P2RX5: variants seen among roughly 807,000 people sequenced by gnomAD.
P2RX5 encodes P2X purinoceptor 5.
In P2RX5, 46 loss-of-function variants were observed where a neutral mutation model predicts 54.1. That is an observed-to-expected ratio of 0.85 (90% CI 0.67 to 1.09). P2RX5 has a LOEUF of 1.09. Among genes scored for constraint, P2RX5 ranks in the 50% least tolerant of loss-of-function variants. P2RX5 has a pLI of 0.00. For missense variants in P2RX5, 566 were observed against 549.8 expected (o/e 1.03, Z -0.29); for synonymous variants, 226 against 226.4 (o/e 1.00, Z 0.02).
rs1328931593 is a variant in P2RX5 at position 3,692,148 on chromosome 17, A to AT, written c.138-355_138-354insA. 166 of 240,956 alleles carry AT rather than the reference A, an allele frequency of 6.9e-4. 2 individuals carry two copies. The highest frequency in any genetic ancestry group is 3.3e-3 in the African/African-American group (147 of 44,110). 14.9% of individuals were successfully genotyped at this position (240,956 alleles called of 1,614,324 possible). A position where few individuals can be genotyped will look rare whatever the true frequency, so the allele number is the denominator to read the frequency against. ...TGAAACCCTGTCTCTACTCAAAAAA[A>AT]AAAAAAAAAATACAAAAAATTAGCC... is the stretch of plus-strand genomic sequence containing the variant. On this transcript the variant is annotated intron_variant, in intron 1 of 11. Coordinates refer to ENST00000225328, the MANE Select transcript of P2RX5 (RefSeq NM_002561.4).
chr17:3,709,805 G>A, the P2RX5 span, among the ~76,000 whole-genome samples: 1 of 151,932 alleles, frequency 6.6e-6, no homozygotes, highest in Non-Finnish European at 1.5e-5. Context: ...GCTACTCGGG[G>A]GGCTGAGGCA....
At chr17:3,707,770 G>A in the P2RX5 span, among the ~76,000 whole-genome samples, 2 of 152,052 alleles carry the variant, frequency 1.3e-5, no homozygotes, top group Non-Finnish European at 2.9e-5. Context: ...GGTTAACCAG[G>A]AATCTCGGCC....
chr17:3,673,874 G>A lies in P2RX5; in HGVS notation c.1263C>T (p.Ser421=). Residue 421 remains serine (S), a synonymous_variant, in exon 12 of 12, where the codon AGC becomes AGT. Transcript: ENST00000225328. ...VCPQLLEPHR[S]T is the part of the protein sequence containing the mutation. ...GAACGTAAGCAGAGGCAATTCACGT[G>A]CTCCTGGAATATCAGAACAGAAAGG... 4 of 1,612,538 alleles carry A rather than the reference G, an allele frequency of 2.5e-6. No homozygotes were observed. The highest frequency in any genetic ancestry group is 3.4e-6 in the Non-Finnish European group (4 of 1,179,506).
intron 1 of P2RX5, among the ~76,000 whole-genome samples, chr17:3,694,230 G>GA (rs5818908): frequency 0.66 from 82,299 of 124,470 alleles, 27,541 homozygotes; most frequent in Non-Finnish European, 0.77. Context: ...AAAGAAGCCA[G>GA]AAAAAAAAAA....
rs2050620528 is a variant in P2RX5, at chr17:3,691,641, G to C, written c.288+3C>G. On this transcript the variant is annotated splice_donor_region_variant and intron_variant, in intron 2 of 11. Transcript: ENST00000225328. Reference sequence around the variant, plus strand: ...TGGCCGTGTGCTAGGTGGGGACTCAGACCTGGGCTGGAATGACGTAGTCGG... The same window carrying C: ...TGGCCGTGTGCTAGGTGGGGACTCACACCTGGGCTGGAATGACGTAGTCGG... 2.5e-6 allele frequency: 4 copies of C among 1,614,064 alleles called. No homozygotes were observed. Among genetic ancestry groups the C allele is most frequent in the South Asian group, 1.1e-5 (1 of 91,088 alleles).
chr17:3,674,748 C>T (rs2050063222), intron 11 of P2RX5, among the ~76,000 whole-genome samples: 1 of 152,196 alleles, frequency 6.6e-6, no homozygotes, highest in South Asian at 2.1e-4. Context: ...GAATGCTTCC[C>T]CCTCACCTAG....
At chr17:3,675,558 C>CT (rs879893835) in intron 11 of P2RX5, 70,541 of 643,360 alleles carry the variant, frequency 0.11, 89 homozygotes, top group Non-Finnish European at 0.12. Flanking sequence ...TCTTCACTTT[C>CT]TTTTTTTTTT....
chr17:3,719,252 A>AG, the P2RX5 span, among the ~76,000 whole-genome samples: 915 of 130,082 alleles, frequency 7.0e-3, 7 homozygotes, highest in Middle Eastern at 0.015. Flanking sequence ...AAAAAAAAAA[A>AG]AAAAGAAAAG....
At chr17:3,703,162 G>A in the P2RX5 span, among the ~76,000 whole-genome samples, 2 of 152,084 alleles carry the variant, frequency 1.3e-5, no homozygotes, top group East Asian at 3.9e-4. Context: ...ATGGTGCAAT[G>A]GGCTGAGCCT....
At chr17:3,721,260 C>CTTT in the P2RX5 span, among the ~76,000 whole-genome samples, 533 of 46,242 alleles carry the variant, frequency 0.012, 81 homozygotes, top group Non-Finnish European at 0.016. Flanking sequence ...GAGATTTTTC[C>CTTT]TTTTTTTTTT....
At chr17:3,721,851 G>A in the P2RX5 span, 1 of 151,886 alleles carries the variant, frequency 6.6e-6, no homozygotes, top group African/African-American at 2.4e-5. Context: ...TTCAAGACCA[G>A]CCTGACCAAC....
chr17:3,699,966 GAA>G (rs1220025969), upstream of P2RX5, among the ~76,000 whole-genome samples: 1 of 138,022 alleles, frequency 7.2e-6, no homozygotes, highest in Non-Finnish European at 1.7e-5. Flanking sequence ...AAGAAAGAAA[GAA>G]AGAAAGAAAA....
At chr17:3,714,950 A>G in the P2RX5 span, 21 of 1,534,354 alleles carry the variant, frequency 1.4e-5, no homozygotes, top group South Asian at 2.3e-4. Flanking sequence ...ACACTGAAAC[A>G]AAGGAAGGAA....
At chr17:3,720,708 G>A in the P2RX5 span, 20 of 205,210 alleles carry the variant, frequency 9.7e-5, 4 homozygotes, top group East Asian at 2.9e-4. Flanking sequence ...TTAGCCTCCC[G>A]AGTAGCTGGA....
At chr17:3,721,312 C>G in the P2RX5 span, among the ~76,000 whole-genome samples, 2 of 128,382 alleles carry the variant, frequency 1.6e-5, 1 homozygote, top group African/African-American at 5.5e-5. Flanking sequence ...CACTCTGTTA[C>G]TCGGGCCGGA....
intron 8 of P2RX5, 64 bp downstream of exon 8, chr17:3,688,562 C>T: frequency 6.3e-7 from 1 of 1,586,100 alleles, no homozygotes. Context: ...ATAGTGCTGG[C>T]ACCCAGATGA....
At chr17:3,702,909 C>T in the P2RX5 span, among the ~76,000 whole-genome samples, 1 of 152,150 alleles carries the variant, frequency 6.6e-6, no homozygotes, top group African/African-American at 2.4e-5. Flanking sequence ...TGGTCTGGAC[C>T]CACTCTGGGA....
chr17:3,673,577 T>G lies in P2RX5; in HGVS notation c.*291A>C, dbSNP rs930204178. On this transcript the variant is annotated 3_prime_UTR_variant, in exon 12 of 12. Transcript: ENST00000225328. Reference sequence around the variant, plus strand: ...TCAAGGACTCCGGAAGGAAGTCATGTTCCCCATTTACAACCCGTTCCCTAG... The same window carrying G: ...TCAAGGACTCCGGAAGGAAGTCATGGTCCCCATTTACAACCCGTTCCCTAG... 71 of 1,380,424 alleles carry G rather than the reference T, an allele frequency of 5.1e-5. No homozygotes were observed. The highest frequency in any genetic ancestry group is 6.5e-5 in the Non-Finnish European group (69 of 1,065,752). The allele number at this position is 1,380,424 out of a possible 1,614,324, so 85.5% of individuals were successfully genotyped here.
chr17:3,690,018 C>G (rs372525968), intron 6 of P2RX5, 52 bp downstream of exon 6: 14 of 1,500,516 alleles, frequency 9.3e-6, no homozygotes, highest in Non-Finnish European at 1.3e-5. Context: ...CCAGCCAAGG[C>G]CCCTCATCGA....
Sources: gnomAD v4.1 joint callset for allele counts (sites outside exome capture counted in the v4.1 genomes callset) on GRCh38, gnomAD v4.1.1 for gene constraint, MANE v1.5 for transcripts, NCBI Gene and HGNC (gene_info 2026-07-23, HGNC 2026-07-21) for gene names.